The following FLT4 variants were observed in gnomAD, a reference collection of about 807,000 sequenced individuals.
FLT4 encodes the protein vascular endothelial growth factor receptor 3.
Under a neutral mutation model 163.2 loss-of-function variants are expected in FLT4, and 30 were observed. The ratio of observed to expected loss-of-function variants is 0.18; its 90% confidence interval spans 0.14 to 0.25. The LOEUF is 0.25. Among genes scored for constraint, FLT4 ranks in the 10% least tolerant of loss-of-function variants. The probability of loss-of-function intolerance (pLI) is 1.00; values close to 1 mark genes in which losing one functional copy is unlikely to be tolerated. For synonymous variants in FLT4, 884 were observed against 789.5 expected (o/e 1.12, Z -2.01); for missense variants, 1,510 against 1,863.8 (o/e 0.81, Z 3.50).
chr5:180,619,063 G>T lies in FLT4; in HGVS notation c.2808C>A (p.Ser936=). 1 of 1,561,028 alleles carries T rather than the reference G, an allele frequency of 6.4e-7. No homozygotes were observed. Among genetic ancestry groups the T allele is most frequent in the Non-Finnish European group, 8.7e-7 (1 of 1,154,532 alleles). Residue 936 remains serine (S), a synonymous_variant, in exon 20 of 30, where the codon TCC becomes TCA. Coordinates refer to ENST00000261937, the MANE Select transcript of FLT4 (RefSeq NM_182925.5). ...CGTCCCGCTTGGCGCGCAGGAAGTT[G>T]GAGAGGTTGCCGTACTTGCAGAACT... ...IVEFCKYGNL[S]NFLRAKRDAF...
At chr5:180,646,145 T>A (rs1581720861) in intron 1 of FLT4, among the ~76,000 whole-genome samples, 2 of 152,060 alleles carry the variant, frequency 1.3e-5, no homozygotes, top group South Asian at 2.1e-4. Flanking sequence ...GCCGGGTGCA[T>A]CAGCTGAGGT....
intron 2 of FLT4, 77 bp downstream of exon 2, chr5:180,631,605 C>G: frequency 4.2e-6 from 5 of 1,201,818 alleles, no homozygotes; most frequent in Non-Finnish European, 6.1e-6. Context: ...GGGCTGCCAT[C>G]TGGGCCCACA....
At position 180,611,389 on chromosome 5, in the gene FLT4, C is replaced by T. The variant is rs774642243; in HGVS notation, c.3628G>A (p.Ala1210Thr). 25 of 1,614,036 alleles carry T rather than the reference C, an allele frequency of 1.5e-5. No individual in the cohort carries two copies. Among genetic ancestry groups the T allele is most frequent in the East Asian group, 1.3e-4 (6 of 44,882 alleles). Residue 1210 changes from alanine to threonine, a missense_variant, in exon 27 of 30, where the codon GCC (alanine) becomes ACC (threonine). This residue lies in a region of FLT4 where 295 missense variants were observed against 311.0 expected (regional missense o/e 0.95). Coordinates refer to ENST00000261937, the MANE Select transcript of FLT4 (RefSeq NM_182925.5). ...SQVSTMALHI[A>T]QADAEDSPPS... ...GGGCTGTCCTCAGCGTCAGCCTGGGCGATGTGTAGGGCCATGGTGGACACC... is the reference window on the plus strand; with the variant it reads ...GGGCTGTCCTCAGCGTCAGCCTGGGTGATGTGTAGGGCCATGGTGGACACC...
At chr5:180,627,537 C>G (rs1219393355) in intron 8 of FLT4, among the ~76,000 whole-genome samples, 1 of 150,178 alleles carries the variant, frequency 6.7e-6, no homozygotes, top group Non-Finnish European at 1.5e-5. Flanking sequence ...CAAGGACCAG[C>G]CCATCTGTGT....
rs780375723 is a variant in FLT4 at position 180,620,757 on chromosome 5, TAAGA to T, written c.2300-46_2300-43del. ...GGGCCGGCGTGTGTGTGTGTGTGTG[TAAGA>T]GCGTGCACCTGCAGGCAGCACCCCT... On this transcript the variant is annotated intron_variant, in intron 15 of 29. Coordinates refer to ENST00000261937, the MANE Select transcript of FLT4 (RefSeq NM_182925.5). The surrounding 1 kb of genome is among the most constrained non-coding windows in gnomAD (Gnocchi z 4.4). The T allele has an allele frequency of 2.5e-6, 4 of 1,580,572 alleles. No individual in the cohort carries two copies. Among genetic ancestry groups the T allele is most frequent in the Non-Finnish European group, 3.5e-6 (4 of 1,151,768 alleles).
intron 8 of FLT4, 31 bp downstream of exon 8, chr5:180,628,851 G>A (rs538207203): frequency 1.5e-5 from 21 of 1,445,682 alleles, no homozygotes; most frequent in African/African-American, 8.3e-5. Context: ...GAAGGGTATC[G>A]GCGGGGTCGG....
rs1761571310 is a variant in FLT4, at chr5:180,602,580, A to G, written c.*612T>C. On this transcript the variant is annotated 3_prime_UTR_variant, in exon 30 of 30. Coordinates refer to ENST00000261937, the MANE Select transcript of FLT4 (RefSeq NM_182925.5). ...GCTGCCTCTGTGTTGCCAGCGTATA[A>G]TACTGTCATACTGGTGGCCACCCCA... The G allele has an allele frequency of 5.0e-6, 2 of 403,028 alleles. No homozygotes were observed. The highest frequency in any genetic ancestry group is 2.1e-5 in the African/African-American group (1 of 48,654). The allele number at this position is 403,028 out of a possible 1,614,324, so 25.0% of individuals were successfully genotyped here.
chr5:180,608,677 G>A (rs1235166332), intron 29 of FLT4, among the ~76,000 whole-genome samples: 1 of 152,120 alleles, frequency 6.6e-6, no homozygotes, highest in Non-Finnish European at 1.5e-5. Context: ...TGTGTGCCCT[G>A]GGCATGGTGG....
At chr5:180,608,872 C>T (rs958859951) in intron 29 of FLT4, 96 bp downstream of exon 29, 14 of 1,094,812 alleles carry the variant, frequency 1.3e-5, no homozygotes, top group South Asian at 3.7e-5. Context: ...CGAAAGGTTC[C>T]GGGAAGAGGG....
At position 180,621,035 on chromosome 5, in the gene FLT4, T is replaced by C. The variant is rs2242215; in HGVS notation, c.2168-28A>G. On this transcript the variant is annotated intron_variant, in intron 14 of 29. Coordinates refer to ENST00000261937, the MANE Select transcript of FLT4 (RefSeq NM_182925.5). Reference sequence around the variant, plus strand: ...GCAGGGGGTGGGGTGGAGGTGCGGGTCCACCTGGGTTTGGGATCGTCGGCC... The same window carrying C: ...GCAGGGGGTGGGGTGGAGGTGCGGGCCCACCTGGGTTTGGGATCGTCGGCC... The C allele has an allele frequency of 0.063, 102,111 of 1,610,814 alleles. 4,043 individuals are homozygous for C. The highest frequency in any genetic ancestry group is 0.19 in the East Asian group (8,350 of 44,742).
At chr5:180,647,260 G>A (rs1581722510) in intron 1 of FLT4, among the ~76,000 whole-genome samples, 1 of 152,206 alleles carries the variant, frequency 6.6e-6, no homozygotes, top group African/African-American at 2.4e-5. Flanking sequence ...GGGCAAGACT[G>A]TGGAACTGCA....
At position 180,631,670 on chromosome 5, in the gene FLT4, G is replaced by C; in HGVS notation, c.155+12C>G. On this transcript the variant is annotated intron_variant, in intron 2 of 29. Coordinates refer to ENST00000261937, the MANE Select transcript of FLT4 (RefSeq NM_182925.5). ...GCCTCTCTGGCCTGCCAGTGGGAGAGGGACCCAGTACCTGCAGGAGATGGA... is the reference window on the plus strand; with the variant it reads ...GCCTCTCTGGCCTGCCAGTGGGAGACGGACCCAGTACCTGCAGGAGATGGA... The C allele has an allele frequency of 6.2e-7, 1 of 1,600,274 alleles. No homozygotes were observed. The highest frequency in any genetic ancestry group is 8.5e-7 in the Non-Finnish European group (1 of 1,172,210).
intron 1 of FLT4, among the ~76,000 whole-genome samples, chr5:180,638,362 CG>C (rs1341932001): frequency 1.3e-5 from 2 of 152,192 alleles, no homozygotes; most frequent in African/African-American, 4.8e-5. Flanking sequence ...CCAGCCCATC[CG>C]TTGGCCAGAC....
At chr5:180,649,606 C>T, upstream of FLT4, 8 of 1,021,854 alleles carry the variant, frequency 7.8e-6, no homozygotes, top group Non-Finnish European at 8.6e-6. Context: ...AAAGTGTCCG[C>T]GCGGGCGCCG....
At chr5:180,618,975 C>T (rs1251102934) in intron 20 of FLT4, 46 bp downstream of exon 20, 9 of 1,553,676 alleles carry the variant, frequency 5.8e-6, no homozygotes, top group Non-Finnish European at 7.8e-6. Flanking sequence ...GCAGAGGCGC[C>T]TCCATTCCCC....
At chr5:180,618,652 G>T in intron 21 of FLT4, 118 bp downstream of exon 21, 1 of 1,104,888 alleles carries the variant, frequency 9.1e-7, no homozygotes. Flanking sequence ...CTAAGGCAGA[G>T]CCCATTCCAC....
intron 23 of FLT4, among the ~76,000 whole-genome samples, chr5:180,615,359 T>C (rs1450359442): frequency 2.1e-5 from 3 of 145,754 alleles, no homozygotes; most frequent in Non-Finnish European, 4.5e-5. Flanking sequence ...TCACCTCCCT[T>C]CTCCACTTCC....
rs776578921 is a variant in FLT4, at chr5:180,618,858, C to G, written c.2913G>C (p.Arg971=). The G allele has an allele frequency of 3.8e-6, 6 of 1,582,418 alleles. No individual in the cohort carries two copies. Among genetic ancestry groups the G allele is most frequent in the Non-Finnish European group, 3.4e-6 (4 of 1,164,928 alleles). The change falls in exon 21 of 30, where the codon CGG becomes CGC. Residue 971 remains arginine, a synonymous_variant. Transcript: ENST00000261937. ...RAMVELARLD[R]RRPGSSDRVL... ...CCCTGTCGCTGCTCCCCGGCCGCCT[C>G]CGATCCAGCCTGGCGAGCTCCACCA...
chr5:180,634,052 G>A (rs1211722835), intron 1 of FLT4, among the ~76,000 whole-genome samples: 2 of 152,122 alleles, frequency 1.3e-5, no homozygotes, highest in South Asian at 2.1e-4. Context: ...AAAGCAAGGT[G>A]GGCTGGGCCT....
Sources: gnomAD v4.1 joint callset for allele counts (sites outside exome capture counted in the v4.1 genomes callset) on GRCh38, gnomAD v4.1.1 for gene constraint, gnomAD v4.1.1 regional missense constraint, Gnocchi (gnomAD v3.1) non-coding constraint, MANE v1.5 for transcripts, NCBI Gene and HGNC (gene_info 2026-07-23, HGNC 2026-07-21) for gene names.